KIF5C: variants seen among roughly 807,000 people sequenced by gnomAD.
KIF5C encodes the protein kinesin heavy chain isoform 5C.
In KIF5C, 18 loss-of-function variants were observed where a neutral mutation model predicts 125.2. The ratio of observed to expected loss-of-function variants is 0.14; its 90% CI spans 0.10 to 0.21. The LOEUF (loss-of-function observed/expected upper bound fraction) is 0.21. KIF5C is among the 10% of genes least tolerant of loss of function. The pLI is 1.00. For synonymous variants in KIF5C, 405 were observed against 434.0 expected, an observed-to-expected ratio of 0.93 and a Z score of 0.83; for missense variants, 780 against 1,183.8, an observed-to-expected ratio of 0.66 and a Z score of 5.01.
intron 1 of KIF5C, chr2:148,888,409 AT>A (rs927609245): frequency 3.3e-5 from 5 of 152,124 alleles, no homozygotes; most frequent in African/African-American, 1.2e-4. Context: ...AAAAGCGCCC[AT>A]TAGGGGGCCC....
intron 23 of KIF5C, among the ~76,000 whole-genome samples, chr2:149,008,991 G>GGT (rs1682098582): frequency 1.5e-5 from 2 of 134,360 alleles, no homozygotes; most frequent in African/African-American, 2.8e-5. Flanking sequence ...TTTTTTTAAT[G>GGT]TTTTTTTTTT....
At chr2:148,958,297 T>C (rs1682846860) in intron 10 of KIF5C, among the ~76,000 whole-genome samples, 1 of 152,196 alleles carries the variant, frequency 6.6e-6, no homozygotes, top group African/African-American at 2.4e-5. Context: ...TCACACTCTC[T>C]CCAGTAGTAG....
Position 148,876,966 on chromosome 2 carries a change from A to G in KIF5C, c.126+1223A>G, listed in dbSNP as rs1216846500. ...ACTAACCCCCTCCTCCCCTTCCTCC[A>G]GTGGCTGGTGTATTTAGGTCAAGTG... On this transcript the variant is annotated intron_variant, in intron 1 of 25. Transcript: ENST00000435030. The surrounding 1 kb of genome is among the most constrained non-coding windows in gnomAD (Gnocchi z 4.7). 6.6e-6 allele frequency among the ~76,000 whole-genome samples: 1 copy of G among 152,082 alleles called. No individual in the cohort carries two copies. The highest frequency in any genetic ancestry group is 6.5e-5 in the Admixed American group (1 of 15,272).
At chr2:148,901,455 C>T (rs541964562) in intron 1 of KIF5C, among the ~76,000 whole-genome samples, 9 of 152,170 alleles carry the variant, frequency 5.9e-5, no homozygotes, top group African/African-American at 1.9e-4. Flanking sequence ...GTGAGGGAGA[C>T]GTTTCACTTT....
Position 148,924,941 on chromosome 2 carries a change from AT to A in KIF5C, c.217+2715del, listed in dbSNP as rs1681933884. ...GTGCTGGGACTGGAGTCGCCATGCT[AT>A]GTAAGACTGTCTGCAAGGAGCTTTG... On this transcript the variant is annotated intron_variant, in intron 2 of 25. Coordinates refer to ENST00000435030, the MANE Select transcript of KIF5C (RefSeq NM_004522.3). This position sits in a 1 kb window ranked among gnomAD's most constrained non-coding sequence, Gnocchi z 4.0. Among the ~76,000 whole-genome samples the A allele has an allele frequency of 2.0e-5, 3 of 152,154 alleles. No individual in the cohort carries two copies. Among genetic ancestry groups the A allele is most frequent in the Non-Finnish European group, 4.4e-5 (3 of 68,032 alleles).
chr2:148,961,503 G>A (rs1328497406), intron 10 of KIF5C, among the ~76,000 whole-genome samples: 2 of 152,174 alleles, frequency 1.3e-5, no homozygotes, highest in Non-Finnish European at 2.9e-5. Context: ...CAGTCTCCAA[G>A]AGGACAGAGA....
intron 25 of KIF5C, among the ~76,000 whole-genome samples, chr2:149,012,621 T>C (rs1682245431): frequency 2.0e-5 from 3 of 152,214 alleles, no homozygotes; most frequent in African/African-American, 7.2e-5. Flanking sequence ...GGCTAAAACT[T>C]CCAAGGGAAA....
chr2:148,940,179 A>G (rs1682375054), intron 4 of KIF5C, among the ~76,000 whole-genome samples: 1 of 152,230 alleles, frequency 6.6e-6, no homozygotes, highest in South Asian at 2.1e-4. Flanking sequence ...AGTTGGCTGC[A>G]GGAAGGACTG....
chr2:148,914,891 TG>T (rs1558889774), intron 1 of KIF5C, among the ~76,000 whole-genome samples: 1 of 152,196 alleles, frequency 6.6e-6, no homozygotes, highest in East Asian at 1.9e-4. Context: ...TTCTGCTGAC[TG>T]GAGATATCAG....
chr2:148,939,185 C>G (rs1199819735), intron 4 of KIF5C, among the ~76,000 whole-genome samples: 1 of 151,882 alleles, frequency 6.6e-6, no homozygotes, highest in African/African-American at 2.4e-5. Context: ...TAGGTCTGAC[C>G]AACCGCACAT....
chr2:148,963,412 G>GGGT (rs1300442336), intron 11 of KIF5C, among the ~76,000 whole-genome samples: 2 of 152,154 alleles, frequency 1.3e-5, no homozygotes, highest in African/African-American at 4.8e-5. Context: ...AGTAAGGGTG[G>GGGT]GGTGTCAATG....
At chr2:149,012,542 C>T in intron 25 of KIF5C, among the ~76,000 whole-genome samples, 1 of 152,248 alleles carries the variant, frequency 6.6e-6, no homozygotes, top group Non-Finnish European at 1.5e-5. Context: ...GTCCTTTCTG[C>T]ATCAAGGCAA....
intron 25 of KIF5C, among the ~76,000 whole-genome samples, chr2:149,020,835 T>G (rs1682514035): frequency 6.6e-6 from 1 of 152,184 alleles, no homozygotes; most frequent in Non-Finnish European, 1.5e-5. Context: ...ACTATGACCA[T>G]GCTTTTAGGT....
intron 2 of KIF5C, among the ~76,000 whole-genome samples, chr2:148,923,753 G>A (rs1254276214): frequency 6.6e-6 from 1 of 151,998 alleles, no homozygotes; most frequent in African/African-American, 2.4e-5. Flanking sequence ...TCCTCTCTAA[G>A]CTGACATAAT....
At chr2:148,965,608 T>C (rs73009520) in intron 11 of KIF5C, among the ~76,000 whole-genome samples, 27,314 of 152,158 alleles carry the variant, frequency 0.18, 4,160 homozygotes, top group African/African-American at 0.41. Context: ...AGTAACTCTG[T>C]GTCTCATGCT....
At chr2:148,987,685 G>C (rs537102624) in intron 15 of KIF5C, among the ~76,000 whole-genome samples, 1 of 151,884 alleles carries the variant, frequency 6.6e-6, no homozygotes, top group African/African-American at 2.4e-5. Flanking sequence ...TCATTCGGGG[G>C]GTTAGGATTT....
At chr2:148,980,326 C>T (rs2105157551) in intron 13 of KIF5C, among the ~76,000 whole-genome samples, 1 of 152,276 alleles carries the variant, frequency 6.6e-6, no homozygotes, top group South Asian at 2.1e-4. Context: ...ATTGGCACAG[C>T]TGCCTGGGAT....
At chr2:148,890,127 T>G (rs1681663866) in intron 1 of KIF5C, among the ~76,000 whole-genome samples, 1 of 152,150 alleles carries the variant, frequency 6.6e-6, no homozygotes, top group Non-Finnish European at 1.5e-5. Flanking sequence ...TTGTGAAAAA[T>G]TTACCTATAC....
intron 12 of KIF5C, 127 bp downstream of exon 12, chr2:148,973,638 T>C: frequency 1.5e-6 from 2 of 1,319,122 alleles, no homozygotes; most frequent in Non-Finnish European, 2.0e-6. Flanking sequence ...ATACCTACCC[T>C]AGCACTTTGA....
Sources: allele counts gnomAD v4.1 joint callset (sites outside exome capture counted in the v4.1 genomes callset), GRCh38; gene constraint gnomAD v4.1.1; non-coding constraint Gnocchi (gnomAD v3.1); transcripts MANE v1.5; gene names NCBI Gene and HGNC (gene_info 2026-07-23, HGNC 2026-07-21).